Variants in NDE1 observed in about 807,000 individuals in gnomAD.
The protein encoded by NDE1 is nuclear distribution protein nudE homolog 1.
NDE1 carries 28 observed loss-of-function variants against 43.4 expected under a neutral mutation model. That is an observed-to-expected ratio of 0.65 (90% CI 0.48 to 0.89). The LOEUF (loss-of-function observed/expected upper bound fraction) is 0.89, where lower values mean the gene tolerates loss of function less well. Among genes scored for constraint, NDE1 ranks in the 40% least tolerant of loss-of-function variants. The pLI, the probability that NDE1 is intolerant of heterozygous loss-of-function variation, is 0.00. For synonymous variants in NDE1, 184 were observed against 172.0 expected, an observed-to-expected ratio of 1.07 and a Z score of -0.55; for missense variants, 441 against 434.1, an observed-to-expected ratio of 1.02 and a Z score of -0.14.
upstream of NDE1, among the ~76,000 whole-genome samples, chr16:15,649,711 G>A (rs1182877110): frequency 6.6e-6 from 1 of 152,158 alleles, no homozygotes; most frequent in East Asian, 1.9e-4. Flanking sequence ...GCAGGACTAG[G>A]ACTCAAAGCC....
chr16:15,676,504 G>A (rs1426503096), intron 3 of NDE1, among the ~76,000 whole-genome samples: 3 of 151,978 alleles, frequency 2.0e-5, no homozygotes, highest in East Asian at 1.9e-4. Flanking sequence ...GAGCCACTGC[G>A]CCTGGCCTGT....
At chr16:15,674,150 T>G (rs2037743323) in intron 3 of NDE1, among the ~76,000 whole-genome samples, 1 of 152,130 alleles carries the variant, frequency 6.6e-6, no homozygotes. Flanking sequence ...GCTGGACTGT[T>G]TCTTTGGTAA....
exon 1 of NDE1, chr16:15,643,393 G>A: frequency 4.1e-6 from 2 of 490,672 alleles, no homozygotes; most frequent in South Asian, 1.5e-5. Flanking sequence ...GTTTAAGGAG[G>A]CCTTCCCCCT....
Position 15,681,781 on chromosome 16 carries a change from C to T in NDE1, c.386+3832C>T, listed in dbSNP as rs112739599. On this transcript the variant is annotated intron_variant, in intron 4 of 8. Transcript: ENST00000396354. ...AGGCTGGAGTGCAGGTGCAGGATCTCGGCTAACTGCAACCTCCACCCTCCC... is the reference window on the plus strand; with the variant it reads ...AGGCTGGAGTGCAGGTGCAGGATCTTGGCTAACTGCAACCTCCACCCTCCC... 8.9e-3 allele frequency among the ~76,000 whole-genome samples: 1,356 copies of T among 152,188 alleles called. 10 individuals are homozygous for T. Among genetic ancestry groups the T allele is most frequent in the Non-Finnish European group, 0.012 (840 of 68,002 alleles).
intron 2 of NDE1, among the ~76,000 whole-genome samples, chr16:15,665,723 G>A (rs188467796): frequency 4.1e-4 from 62 of 150,978 alleles, no homozygotes; most frequent in African/African-American, 1.3e-3. Context: ...GGAATTACAG[G>A]CATGAGCCAC....
rs573782818 is a variant in NDE1, at chr16:15,718,500, C to G, written c.948-5691C>G. The G allele has an allele frequency of 7.0e-5, 107 of 1,532,918 alleles. No homozygotes were observed. The African/African-American group carries it at 1.3e-3, about 19-fold the overall frequency. The allele number at this position is 1,532,918 out of a possible 1,614,324, so 95.0% of individuals were successfully genotyped here. On this transcript the variant is annotated intron_variant, in intron 8 of 8. Coordinates refer to ENST00000396354, the MANE Select transcript of NDE1 (RefSeq NM_017668.3). ...TCCCCCGCCTTAAAAGATGCCCCCTCCTTGGAGTCATGCCTCAGGGGTATT... is the reference window on the plus strand; with the variant it reads ...TCCCCCGCCTTAAAAGATGCCCCCTGCTTGGAGTCATGCCTCAGGGGTATT...
In NDE1 at chr16:15,686,410, A is replaced by G. The variant is rs886996903; in HGVS notation, c.387-965A>G. The stretch of plus-strand genomic sequence containing the variant: ...TACAGCACTTGGCAGTGCCTTTACC[A>G]CAGTGTTTATGCCCTTCACAAGAAG... On this transcript the variant is annotated intron_variant, in intron 4 of 8. Coordinates refer to ENST00000396354, the MANE Select transcript of NDE1 (RefSeq NM_017668.3). 8 of 985,184 alleles carry G rather than the reference A, an allele frequency of 8.1e-6. No homozygotes were observed. The African/African-American group carries it at 1.0e-4, about 13-fold the overall frequency. 61.0% of individuals were successfully genotyped at this position (985,184 alleles called of 1,614,324 possible).
chr16:15,703,993 A>C (rs1282723230), intron 8 of NDE1: 2 of 1,613,908 alleles, frequency 1.2e-6, no homozygotes, highest in Non-Finnish European at 1.7e-6. Flanking sequence ...AAAGTTGCTT[A>C]TTCACTGGCC....
intron 4 of NDE1, among the ~76,000 whole-genome samples, chr16:15,680,880 A>G (rs2038139870): frequency 6.6e-6 from 1 of 152,092 alleles, no homozygotes; most frequent in Admixed American, 6.6e-5. Context: ...TGCATTGAAA[A>G]TAATTTTTTC....
rs779249687 is a variant in NDE1, at chr16:15,715,044, C to T, written c.948-9147C>T. On this transcript the variant is annotated intron_variant, in intron 8 of 8. Transcript: ENST00000396354. ...CTCCTCCTCTGCCTCCTCCAGCTGCCTCTTGAGCTGCTTGACCCTGGCATT... is the reference window on the plus strand; with the variant it reads ...CTCCTCCTCTGCCTCCTCCAGCTGCTTCTTGAGCTGCTTGACCCTGGCATT... 1.2e-6 allele frequency: 2 copies of T among 1,613,746 alleles called. No homozygotes were observed. The highest frequency in any genetic ancestry group is 1.7e-5 in the Admixed American group (1 of 60,016).
intron 3 of NDE1, among the ~76,000 whole-genome samples, chr16:15,673,547 A>ATTTTT (rs34853720): frequency 1.5e-5 from 2 of 137,642 alleles, no homozygotes; most frequent in South Asian, 4.7e-4. Flanking sequence ...CAGGCTGGTG[A>ATTTTT]TTTTTTTTTT....
intron 5 of NDE1, among the ~76,000 whole-genome samples, chr16:15,689,838 G>A (rs1240610828): frequency 7.3e-6 from 1 of 136,704 alleles, no homozygotes; most frequent in Non-Finnish European, 1.5e-5. Context: ...TACTTGGGAG[G>A]CTGAGGCAGG....
intron 8 of NDE1, among the ~76,000 whole-genome samples, chr16:15,697,989 G>C (rs1280567329): frequency 6.6e-6 from 1 of 151,612 alleles, no homozygotes; most frequent in Non-Finnish European, 1.5e-5. Context: ...TGTATTTTTA[G>C]TCGAGACGGG....
chr16:15,714,748 G>GC (rs1259304362), intron 8 of NDE1: 2 of 921,626 alleles, frequency 2.2e-6, no homozygotes, highest in African/African-American at 3.2e-5. Flanking sequence ...TCAGTGCCTG[G>GC]CCCACACTAA....
At chr16:15,666,399 C>T (rs1052929778) in intron 2 of NDE1, among the ~76,000 whole-genome samples, 1 of 151,868 alleles carries the variant, frequency 6.6e-6, no homozygotes, top group Non-Finnish European at 1.5e-5. Context: ...CACTTGAGCT[C>T]AGGAGTTTGA....
At chr16:15,672,694 C>T (rs1276283289) in intron 3 of NDE1, 1 of 152,210 alleles carries the variant, frequency 6.6e-6, no homozygotes, top group East Asian at 1.9e-4. Flanking sequence ...CCACAGGTTC[C>T]GAGGAGATCT....
chr16:15,716,870 A>G (rs1287316250), intron 8 of NDE1, among the ~76,000 whole-genome samples: 1 of 150,856 alleles, frequency 6.6e-6, no homozygotes, highest in African/African-American at 2.5e-5. Context: ...GAAAAGTCAT[A>G]TGTACTGCTG....
At chr16:15,664,335 T>G (rs1257455098) in intron 1 of NDE1, among the ~76,000 whole-genome samples, 1 of 152,054 alleles carries the variant, frequency 6.6e-6, no homozygotes, top group Non-Finnish European at 1.5e-5. Context: ...ATTTAATCAT[T>G]TAACCCAGCA....
chr16:15,723,046 T>C (rs2040568255), intron 8 of NDE1, among the ~76,000 whole-genome samples: 1 of 152,146 alleles, frequency 6.6e-6, no homozygotes, highest in Non-Finnish European at 1.5e-5. Context: ...GCCTGGCCTC[T>C]CAAACTGATT....
Sources: allele counts gnomAD v4.1 joint callset (sites outside exome capture counted in the v4.1 genomes callset), GRCh38; gene constraint gnomAD v4.1.1; transcripts MANE v1.5; gene names NCBI Gene and HGNC (gene_info 2026-07-23, HGNC 2026-07-21).